The following DOCK9 variants were observed in gnomAD, a reference collection of about 807,000 sequenced individuals.
The protein encoded by DOCK9 is dedicator of cytokinesis 9.
DOCK9 carries 89 observed loss-of-function variants against 263.3 expected under a neutral mutation model. The ratio of observed to expected loss-of-function variants is 0.34; its 90% CI spans 0.28 to 0.40. The LOEUF is 0.40. Ranked by LOEUF, DOCK9 falls within the 10% of genes least tolerant of loss-of-function variation. The pLI is 1.00. For synonymous variants in DOCK9, 976 were observed against 973.1 expected (o/e 1.00, Z -0.06); for missense variants, 2,140 against 2,603.4 (o/e 0.82, Z 3.87).
At chr13:99,078,546 C>T (rs1208539172) in intron 1 of DOCK9, among the ~76,000 whole-genome samples, 1 of 152,140 alleles carries the variant, frequency 6.6e-6, no homozygotes, top group African/African-American at 2.4e-5. Flanking sequence ...CAGAGGCAGA[C>T]CAGCCAGTGT....
intron 39 of DOCK9, among the ~76,000 whole-genome samples, chr13:98,832,339 A>G (rs758959498): frequency 1.3e-5 from 2 of 152,160 alleles, no homozygotes; most frequent in Non-Finnish European, 1.5e-5. Flanking sequence ...GCACAGGTAA[A>G]CTGAGTCTCA....
At chr13:98,899,930 T>C (rs1051786011) in intron 13 of DOCK9, among the ~76,000 whole-genome samples, 1 of 152,196 alleles carries the variant, frequency 6.6e-6, no homozygotes, top group African/African-American at 2.4e-5. Flanking sequence ...CAGAGACTTT[T>C]CATAAAAATT....
chr13:98,996,052 A>G (rs1880959297), intron 1 of DOCK9, among the ~76,000 whole-genome samples: 1 of 152,150 alleles, frequency 6.6e-6, no homozygotes, highest in African/African-American at 2.4e-5. Context: ...GTGTATTTCA[A>G]CCTGAGCTAA....
chr13:98,900,167 A>C (rs1216713011), intron 13 of DOCK9, among the ~76,000 whole-genome samples: 6 of 10,600 alleles, frequency 5.7e-4, no homozygotes, highest in African/African-American at 1.8e-3. Flanking sequence ...TACATTCCAT[A>C]AAAAAATGAA....
chr13:98,837,017 A>C (rs2093028579), intron 39 of DOCK9, among the ~76,000 whole-genome samples: 1 of 151,930 alleles, frequency 6.6e-6, no homozygotes, highest in Non-Finnish European at 1.5e-5. Flanking sequence ...AACAAGACAA[A>C]AAAAAAACCC....
chr13:99,088,312 G>C (rs2042392850), upstream of DOCK9: 1 of 152,252 alleles, frequency 6.6e-6, no homozygotes, highest in African/African-American at 2.4e-5. Flanking sequence ...GAGTGGAGCT[G>C]GGTGACAGAG....
Position 98,902,336 on chromosome 13 carries a change from A to T in DOCK9, c.1332T>A (p.Ser444=). Residue 444 remains serine (S), a synonymous_variant, in exon 12 of 53, where the codon TCT becomes TCA. Transcript: ENST00000682017. The part of the protein sequence containing the change: ...ALMNGSGQSP[S]VLKGILHEAA... The stretch of plus-strand genomic sequence containing the variant: ...CTTCATGAAGGATGCCCTTGAGGAC[A>T]GATGGGCTCTGCCCACTGCCATTCA... 6.2e-7 allele frequency: 1 copy of T among 1,614,038 alleles called. No homozygotes were observed. The highest frequency in any genetic ancestry group is 8.5e-7 in the Non-Finnish European group (1 of 1,179,896).
chr13:99,015,731 A>C (rs1218565466), intron 1 of DOCK9: 1 of 1,376,264 alleles, frequency 7.3e-7, no homozygotes, highest in Admixed American at 3.1e-5. Context: ...CCGGTACTGG[A>C]ACAGAAGGGA....
In DOCK9 at chr13:98,850,820, T is replaced by G. The variant is rs2093546782; in HGVS notation, c.3947-707A>C. Among the ~76,000 whole-genome samples, 15 of 152,374 alleles carry G rather than the reference T, an allele frequency of 9.8e-5. No individual in the cohort carries two copies. In the South Asian group the frequency reaches 3.1e-3, roughly 32 times the overall value. ...TGCATTTAAACCTCTGTGTGAACCC[T>G]TAACAGTTTAGTATTACCATCGTTT... On this transcript the variant is annotated intron_variant, in intron 35 of 52. Transcript: ENST00000682017.
intron 1 of DOCK9, among the ~76,000 whole-genome samples, chr13:99,054,760 CA>C (rs1363801091): frequency 6.6e-6 from 1 of 152,120 alleles, no homozygotes; most frequent in South Asian, 2.1e-4. Flanking sequence ...ACCAGCAAAT[CA>C]AGCACTATCA....
In DOCK9 at chr13:99,008,230, ATATAT is replaced by A. The variant is rs1490150785; in HGVS notation, c.130-52684_130-52680del. On this transcript the variant is annotated intron_variant, in intron 1 of 32. Coordinates refer to the DOCK9 transcript ENST00000427887. ...TCTCTCTCTATATATATATATATATATATATTTTTTTTTTTTTTTGAGACGAAGTC... is the reference window on the plus strand; with the variant it reads ...TCTCTCTCTATATATATATATATATATTTTTTTTTTTTTTGAGACGAAGTC... Among the ~76,000 whole-genome samples the A allele has an allele frequency of 6.7e-3, 769 of 114,368 alleles. 8 individuals carry two copies. The highest frequency in any genetic ancestry group is 0.011 in the Non-Finnish European group (601 of 55,924). 75.0% of individuals were successfully genotyped at this position (114,368 alleles called of 152,430 possible).
intron 2 of DOCK9, among the ~76,000 whole-genome samples, chr13:98,942,701 T>A (rs1207976135): frequency 6.6e-6 from 1 of 152,208 alleles, no homozygotes; most frequent in Non-Finnish European, 1.5e-5. Flanking sequence ...GGTGACTTTG[T>A]CCTTGTGCAG....
chr13:99,054,465 G>A (rs143644250), intron 1 of DOCK9, among the ~76,000 whole-genome samples: 2 of 152,272 alleles, frequency 1.3e-5, no homozygotes, highest in Middle Eastern at 3.4e-3. Flanking sequence ...AATAAAGCAG[G>A]TTTTACAGAA....
At chr13:98,925,971 T>G in intron 3 of DOCK9, 52 bp from the exon 4 acceptor site, 1 of 1,436,044 alleles carries the variant, frequency 7.0e-7, no homozygotes, top group Non-Finnish European at 9.3e-7. Flanking sequence ...AAGACGTGAT[T>G]TTTGGAAAAC....
intron 44 of DOCK9, chr13:98,826,092 G>A: frequency 2.0e-6 from 1 of 499,614 alleles, no homozygotes; most frequent in East Asian, 3.5e-5. Flanking sequence ...TACAGTCTGT[G>A]GCCTCGGCAT....
intron 1 of DOCK9, among the ~76,000 whole-genome samples, chr13:98,970,509 C>CGA (rs958855118): frequency 2.6e-5 from 4 of 152,208 alleles, no homozygotes; most frequent in African/African-American, 9.7e-5. Flanking sequence ...TGCTGGCTCT[C>CGA]TGCATCGCTT....
At chr13:98,968,530 G>A (rs1273579337) in intron 1 of DOCK9, among the ~76,000 whole-genome samples, 2 of 152,154 alleles carry the variant, frequency 1.3e-5, no homozygotes, top group African/African-American at 2.4e-5. Context: ...TGAGGCACGA[G>A]AATTGCTTGC....
chr13:98,829,828 G>A lies in DOCK9; in HGVS notation c.4636-72C>T. ...TGCCCAGGCTGGGCTTCTGCGTTCA[G>A]TTAGGATGTGCCTAAGGACCCAGCA... On this transcript the variant is annotated intron_variant, in intron 41 of 52. Coordinates refer to ENST00000682017, the MANE Select transcript of DOCK9 (RefSeq NM_001366683.2). This position sits in a 1 kb window ranked among gnomAD's most constrained non-coding sequence, Gnocchi z 4.1. 7.4e-7 allele frequency: 1 copy of A among 1,350,658 alleles called. No homozygotes were observed. The highest frequency in any genetic ancestry group is 2.0e-5 in the Admixed American group (1 of 50,796). 83.7% of individuals were successfully genotyped at this position (1,350,658 alleles called of 1,614,324 possible).
intron 44 of DOCK9, among the ~76,000 whole-genome samples, chr13:98,824,844 G>C (rs529004137): frequency 2.0e-4 from 30 of 152,196 alleles, no homozygotes; most frequent in Non-Finnish European, 4.4e-4. Context: ...TTGGTAGGAT[G>C]ACTCGTGCTG....
Sources: allele counts gnomAD v4.1 joint callset (sites outside exome capture counted in the v4.1 genomes callset), GRCh38; gene constraint gnomAD v4.1.1; non-coding constraint Gnocchi (gnomAD v3.1); transcripts MANE v1.5; gene names NCBI Gene and HGNC (gene_info 2026-07-23, HGNC 2026-07-21).